ARHGEF10L: variants seen among roughly 807,000 people sequenced by gnomAD.
ARHGEF10L encodes rho guanine nucleotide exchange factor 10-like protein.
Under a neutral mutation model 141.2 loss-of-function variants are expected in ARHGEF10L, and 69 were observed. The observed-to-expected ratio is 0.49, with a 90% CI of 0.40 to 0.60. The LOEUF (loss-of-function observed/expected upper bound fraction) is 0.60, where lower values mean the gene tolerates loss of function less well. Among genes scored for constraint, ARHGEF10L ranks in the 20% least tolerant of loss-of-function variants. ARHGEF10L has a pLI of 0.00. For missense variants in ARHGEF10L, 1,482 were observed against 1,734.3 expected (o/e 0.85, Z 2.58); for synonymous variants, 711 against 718.5 (o/e 0.99, Z 0.17).
At position 17,697,528 on chromosome 1, in the gene ARHGEF10L, T is replaced by C. The variant is rs2065596943; in HGVS notation, c.*148T>C. 1 of 1,168,176 alleles carries C rather than the reference T, an allele frequency of 8.6e-7. No individual in the cohort carries two copies. The highest frequency in any genetic ancestry group is 1.6e-5 in the African/African-American group (1 of 64,416). The allele number at this position is 1,168,176 out of a possible 1,614,324, so 72.4% of individuals were successfully genotyped here. A position where few individuals can be genotyped will look rare whatever the true frequency, so the allele number is the denominator to read the frequency against. ...CAGAGCAAAGGAAAACCTCTTGTTT[T>C]AAAAAAATTTTTTTCAGAGTGTTTT... On this transcript the variant is annotated 3_prime_UTR_variant, in exon 29 of 29. Coordinates refer to ENST00000361221, the MANE Select transcript of ARHGEF10L (RefSeq NM_018125.4). The surrounding 1 kb of genome is among the most constrained non-coding windows in gnomAD (Gnocchi z 4.8).
At chr1:17,643,775 A>G (rs1259035386) in intron 21 of ARHGEF10L, among the ~76,000 whole-genome samples, 1 of 152,190 alleles carries the variant, frequency 6.6e-6, no homozygotes, top group African/African-American at 2.4e-5. Flanking sequence ...CTTGGCACAT[A>G]GGAGCTGTGA....
intron 21 of ARHGEF10L, 65 bp downstream of exon 21, chr1:17,640,367 AGTGAGGGTACAGGATGGGT>A (rs2061261965): frequency 1.4e-6 from 2 of 1,428,602 alleles, no homozygotes; most frequent in Non-Finnish European, 1.9e-6. Flanking sequence ...GTTTGGGGTG[AGTGAGGGTACAGGATGGGT>A]GTTCGGGGTC....
intron 21 of ARHGEF10L, among the ~76,000 whole-genome samples, chr1:17,645,143 C>T (rs1001865489): frequency 3.3e-5 from 5 of 152,142 alleles, no homozygotes; most frequent in African/African-American, 1.2e-4. Context: ...AATAAGCCCC[C>T]ACTTAGCGTC....
At chr1:17,555,117 G>A (rs939126382) in intron 1 of ARHGEF10L, among the ~76,000 whole-genome samples, 1 of 152,174 alleles carries the variant, frequency 6.6e-6, no homozygotes, top group African/African-American at 2.4e-5. Flanking sequence ...TAGCCTCCAA[G>A]TTCCTTTAGC....
At chr1:17,663,339 G>T (rs931964045) in intron 25 of ARHGEF10L, among the ~76,000 whole-genome samples, 16 of 152,042 alleles carry the variant, frequency 1.1e-4, no homozygotes, top group Non-Finnish European at 1.9e-4. Flanking sequence ...ATCACTTGAG[G>T]TCAGGAGTTC....
chr1:17,527,897 CTCACTCTG>C, the ARHGEF10L span, among the ~76,000 whole-genome samples: 1 of 144,248 alleles, frequency 6.9e-6, no homozygotes, highest in Non-Finnish European at 1.5e-5. Context: ...GAGATAGAGT[CTCACTCTG>C]TCACCCAAGC....
At chr1:17,529,000 A>ATTTTG in the ARHGEF10L span, among the ~76,000 whole-genome samples, 22 of 152,010 alleles carry the variant, frequency 1.4e-4, no homozygotes, top group East Asian at 4.1e-3. Flanking sequence ...GATTAAGATC[A>ATTTTG]TTTTGTTTTG....
chr1:17,581,885 C>T (rs1366240956), intron 2 of ARHGEF10L, among the ~76,000 whole-genome samples: 1 of 130,000 alleles, frequency 7.7e-6, no homozygotes, highest in South Asian at 2.5e-4. Flanking sequence ...TCTTCTTGGG[C>T]GGGGGGTGGG....
chr1:17,616,167 G>T lies in ARHGEF10L; in HGVS notation c.800G>T (p.Arg267Leu). Residue 267 changes from arginine (R) to leucine (L), a missense_variant, in exon 9 of 29, where the codon CGC (arginine) becomes CTC (leucine). By Grantham distance (102) the Arg-to-Leu change is moderately radical. Transcript: ENST00000361221. ...GAGAAGACACGGATGGCCGTGATGC[G>T]CAAAGTCTCCTTCCTGCACAGGAAG... ...GLEKTRMAVM[R>L]KVSFLHRKDV... 6.2e-7 allele frequency: 1 copy of T among 1,613,102 alleles called. No homozygotes were observed. Among genetic ancestry groups the T allele is most frequent in the South Asian group, 1.1e-5 (1 of 91,068 alleles).
intron 21 of ARHGEF10L, 59 bp downstream of exon 21, chr1:17,640,361 G>A (rs1302287782): frequency 2.8e-5 from 41 of 1,475,368 alleles, no homozygotes; most frequent in Middle Eastern, 2.1e-4. Context: ...GGGGAGGTTT[G>A]GGGTGAGTGA....
Position 17,607,434 on chromosome 1 carries a change from C to T in ARHGEF10L, c.434-368C>T, listed in dbSNP as rs1429841796. 6.6e-6 allele frequency among the ~76,000 whole-genome samples: 1 copy of T among 152,152 alleles called. No individual in the cohort carries two copies. Among genetic ancestry groups the T allele is most frequent in the Non-Finnish European group, 1.5e-5 (1 of 68,038 alleles). ...AGGCCACAGTGAGCTATGATTGTACCACTGCACTCCAGCCTGGGCGAGACA... is the reference window on the plus strand; with the variant it reads ...AGGCCACAGTGAGCTATGATTGTACTACTGCACTCCAGCCTGGGCGAGACA... On this transcript the variant is annotated intron_variant, in intron 6 of 28. Coordinates refer to ENST00000361221, the MANE Select transcript of ARHGEF10L (RefSeq NM_018125.4). The surrounding 1 kb of genome is among the most constrained non-coding windows in gnomAD (Gnocchi z 4.5).
At chr1:17,633,217 C>G (rs1157292148) in intron 16 of ARHGEF10L, among the ~76,000 whole-genome samples, 2 of 152,254 alleles carry the variant, frequency 1.3e-5, no homozygotes, top group Non-Finnish European at 2.9e-5. Flanking sequence ...CCCAGCTCAC[C>G]TGCTCGCATC....
intron 1 of ARHGEF10L, among the ~76,000 whole-genome samples, chr1:17,543,773 C>A (rs2076816666): frequency 6.7e-6 from 1 of 150,340 alleles, no homozygotes; most frequent in Admixed American, 6.6e-5. Context: ...TCAGCCCCCT[C>A]AGTAGCTGGA....
intron 7 of ARHGEF10L, among the ~76,000 whole-genome samples, chr1:17,610,014 C>T (rs757445371): frequency 6.6e-6 from 1 of 152,194 alleles, no homozygotes; most frequent in Admixed American, 6.5e-5. Flanking sequence ...CAGCCTCTGG[C>T]GTTCCTCCTC....
intron 1 of ARHGEF10L, among the ~76,000 whole-genome samples, chr1:17,570,260 T>C (rs1349558943): frequency 6.6e-6 from 1 of 152,092 alleles, no homozygotes; most frequent in East Asian, 1.9e-4. Context: ...ATAACTAAAA[T>C]TTGTAGTTGC....
chr1:17,554,473 G>T (rs1383527490), intron 1 of ARHGEF10L, among the ~76,000 whole-genome samples: 2 of 152,038 alleles, frequency 1.3e-5, no homozygotes, highest in Non-Finnish European at 2.9e-5. Flanking sequence ...CCCAGAGAGG[G>T]GCTGGGACTT....
the ARHGEF10L span, among the ~76,000 whole-genome samples, chr1:17,533,968 T>C: frequency 2.3e-3 from 352 of 152,080 alleles, 2 homozygotes; most frequent in African/African-American, 7.9e-3. Flanking sequence ...TCTTCTTCTT[T>C]TTTTTTTTCT....
chr1:17,640,401 G>C lies in ARHGEF10L; in HGVS notation c.2272+99G>C, dbSNP rs2061264029. Reference sequence around the variant, plus strand: ...ACAGGATGGGTGTTCGGGGTCAGCGGGGGGCAGGGAGGCTTCTGAGTGGGA... The same window carrying C: ...ACAGGATGGGTGTTCGGGGTCAGCGCGGGGCAGGGAGGCTTCTGAGTGGGA... On this transcript the variant is annotated intron_variant, in intron 21 of 28. Coordinates refer to ENST00000361221, the MANE Select transcript of ARHGEF10L (RefSeq NM_018125.4). The C allele has an allele frequency of 8.5e-6, 9 of 1,058,134 alleles. No individual in the cohort carries two copies. The South Asian group carries it at 1.4e-4, about 16-fold the overall frequency. The allele number at this position is 1,058,134 out of a possible 1,614,324, so 65.5% of individuals were successfully genotyped here.
At chr1:17,600,728 T>C (rs972094718) in intron 4 of ARHGEF10L, among the ~76,000 whole-genome samples, 2 of 152,166 alleles carry the variant, frequency 1.3e-5, no homozygotes, top group African/African-American at 4.8e-5. Flanking sequence ...TTCTCAGTCT[T>C]TCCTTGATTT....
Sources: allele counts gnomAD v4.1 joint callset (sites outside exome capture counted in the v4.1 genomes callset), GRCh38; gene constraint gnomAD v4.1.1; non-coding constraint Gnocchi (gnomAD v3.1); transcripts MANE v1.5; gene names NCBI Gene and HGNC (gene_info 2026-07-23, HGNC 2026-07-21).